Variants in CAST observed in about 807,000 individuals in gnomAD.
The protein encoded by CAST is calpastatin.
A neutral mutation model predicts 119.6 loss-of-function variants in CAST; 76 were observed. That is an observed-to-expected ratio of 0.64 (90% CI 0.53 to 0.77). The LOEUF is 0.77. Among genes scored for constraint, CAST ranks in the 30% least tolerant of loss-of-function variants. The probability of loss-of-function intolerance (pLI) is 0.00; values close to 1 mark genes in which losing one functional copy is unlikely to be tolerated. For synonymous variants in CAST, 319 were observed against 331.6 expected (o/e 0.96, Z 0.41); for missense variants, 953 against 946.5 (o/e 1.01, Z -0.09).
the CAST span, among the ~76,000 whole-genome samples, chr5:96,321,761 T>G: frequency 6.6e-6 from 1 of 152,086 alleles, no homozygotes; most frequent in African/African-American, 2.4e-5. Flanking sequence ...TATAAAACGT[T>G]TGAGTTATAA....
rs751395777 is a variant in CAST, at chr5:96,741,574, G to A, written c.1092G>A (p.Val364=). The A allele has an allele frequency of 2.5e-6, 4 of 1,609,900 alleles. No homozygotes were observed. Among genetic ancestry groups the A allele is most frequent in the Non-Finnish European group, 3.4e-6 (4 of 1,176,414 alleles). ...CACCCCAAGAGAAGAAAAGAAAGGTGGAGAAGGTATAGTCACAGTCTACCT... is the reference window on the plus strand; with the variant it reads ...CACCCCAAGAGAAGAAAAGAAAGGTAGAGAAGGTATAGTCACAGTCTACCT... ...AAPPQEKKRK[V]EKDTMSDQAL... Residue 364 remains valine, a synonymous_variant, in exon 15 of 32, where the codon GTG becomes GTA. Coordinates refer to ENST00000675179, the MANE Select transcript of CAST (RefSeq NM_001750.7).
chr5:96,460,088 G>A, the CAST span, among the ~76,000 whole-genome samples: 35 of 152,234 alleles, frequency 2.3e-4, 1 homozygote, highest in East Asian at 2.5e-3. Context: ...GACAAATAGC[G>A]CTGACAAGTA....
chr5:96,121,271 T>C, the CAST span, among the ~76,000 whole-genome samples: 2 of 152,158 alleles, frequency 1.3e-5, no homozygotes, highest in Non-Finnish European at 2.9e-5. Context: ...TTTGTTTTAT[T>C]TGACTTATAT....
intron 9 of CAST, 64 bp downstream of exon 9, chr5:96,730,924 A>T: frequency 8.2e-7 from 1 of 1,219,622 alleles, no homozygotes; most frequent in Non-Finnish European, 1.2e-6. Context: ...TTTATGAGAA[A>T]CGTATGCTCA....
chr5:96,762,253 T>C (rs1372893839), intron 24 of CAST, 21 bp from the exon 25 acceptor site: 1 of 1,550,372 alleles, frequency 6.5e-7, no homozygotes, highest in East Asian at 2.3e-5. Flanking sequence ...ATGTTACTAA[T>C]AAAATTTTTT....
chr5:96,190,819 A>C, the CAST span, among the ~76,000 whole-genome samples: 1 of 152,044 alleles, frequency 6.6e-6, no homozygotes, highest in Non-Finnish European at 1.5e-5. Context: ...GTACGGATGG[A>C]TGATCCTGTC....
chr5:96,391,161 C>T, the CAST span: 1 of 152,184 alleles, frequency 6.6e-6, no homozygotes, highest in African/African-American at 2.4e-5. Flanking sequence ...AGTGATTCCG[C>T]AAGTCTTTTA....
the CAST span, among the ~76,000 whole-genome samples, chr5:96,039,123 T>C: frequency 6.6e-6 from 1 of 152,204 alleles, no homozygotes; most frequent in African/African-American, 2.4e-5. Flanking sequence ...TAATGACCAG[T>C]GATGATGAAC....
the CAST span, among the ~76,000 whole-genome samples, chr5:96,467,934 C>T: frequency 1.3e-5 from 2 of 152,042 alleles, no homozygotes; most frequent in South Asian, 4.1e-4. Flanking sequence ...CACCTACATG[C>T]CTATGTTTAT....
At chr5:95,971,072 A>G in the CAST span, among the ~76,000 whole-genome samples, 1 of 152,200 alleles carries the variant, frequency 6.6e-6, no homozygotes, top group East Asian at 1.9e-4. Context: ...AGATTGTATT[A>G]AACTTCAATA....
intron 1 of CAST, among the ~76,000 whole-genome samples, chr5:96,575,783 C>T (rs1027647892): frequency 6.6e-6 from 1 of 152,066 alleles, no homozygotes; most frequent in Admixed American, 6.5e-5. Context: ...CTTGGGGCTA[C>T]AGGCACGTGC....
At chr5:96,700,955 G>A (rs1181581773) in intron 3 of CAST, among the ~76,000 whole-genome samples, 1 of 151,462 alleles carries the variant, frequency 6.6e-6, no homozygotes, top group Non-Finnish European at 1.5e-5. Context: ...TTGAGACAGG[G>A]TCTCACTATT....
the CAST span, among the ~76,000 whole-genome samples, chr5:96,509,593 A>C: frequency 6.6e-6 from 1 of 152,164 alleles, no homozygotes; most frequent in Admixed American, 6.5e-5. Flanking sequence ...TAACATGAGC[A>C]TGGAGGGGAA....
chr5:96,691,049 TTA>T (rs1175827570), intron 2 of CAST, among the ~76,000 whole-genome samples: 1 of 152,194 alleles, frequency 6.6e-6, no homozygotes, highest in South Asian at 2.1e-4. Context: ...ACAGCTTTAT[TTA>T]TATATAGTTT....
At chr5:96,054,125 G>A in the CAST span, among the ~76,000 whole-genome samples, 14 of 151,770 alleles carry the variant, frequency 9.2e-5, no homozygotes, top group African/African-American at 3.1e-4. Flanking sequence ...TATTATTGTT[G>A]TTTTATTATT....
At chr5:96,695,733 T>A in intron 2 of CAST, 103 bp from the exon 3 acceptor site, 1 of 684,744 alleles carries the variant, frequency 1.5e-6, no homozygotes, top group Non-Finnish European at 2.5e-6. Context: ...AATATTAGTC[T>A]GATTTTTGCT....
At chr5:96,603,725 A>G (rs1016944907) in intron 1 of CAST, among the ~76,000 whole-genome samples, 3 of 143,258 alleles carry the variant, frequency 2.1e-5, no homozygotes, top group Non-Finnish European at 4.6e-5. Flanking sequence ...ATTATCAAGT[A>G]TTATGTACTG....
the CAST span, among the ~76,000 whole-genome samples, chr5:95,979,948 T>A: frequency 6.6e-6 from 1 of 152,188 alleles, no homozygotes; most frequent in East Asian, 1.9e-4. Flanking sequence ...TAAAGTCCTG[T>A]CTCTATTAAA....
At chr5:96,705,792 G>T (rs1754848040) in intron 3 of CAST, among the ~76,000 whole-genome samples, 2 of 152,126 alleles carry the variant, frequency 1.3e-5, no homozygotes, top group Admixed American at 6.5e-5. Context: ...TATGTGCTGT[G>T]ATGATAATGT....
Sources: allele counts gnomAD v4.1 joint callset (sites outside exome capture counted in the v4.1 genomes callset), GRCh38; gene constraint gnomAD v4.1.1; transcripts MANE v1.5; gene names NCBI Gene and HGNC (gene_info 2026-07-23, HGNC 2026-07-21).